Variants in KLF12 observed in about 807,000 individuals in gnomAD.
KLF12 encodes the protein Krueppel-like factor 12.
A neutral mutation model predicts 37.8 loss-of-function variants in KLF12; 9 were observed. The ratio of observed to expected loss-of-function variants is 0.24; its 90% CI spans 0.14 to 0.42. The LOEUF (loss-of-function observed/expected upper bound fraction) is 0.42, where lower values mean the gene tolerates loss of function less well. Ranked by LOEUF, KLF12 falls within the 10% of genes least tolerant of loss-of-function variation. KLF12 has a pLI of 1.00. For missense variants in KLF12, 411 were observed against 516.0 expected, an observed-to-expected ratio of 0.80 and a Z score of 1.97; for synonymous variants, 208 against 202.1, an observed-to-expected ratio of 1.03 and a Z score of -0.25.
At chr13:73,834,505 T>C (rs1413649154) in intron 4 of KLF12, among the ~76,000 whole-genome samples, 2 of 152,232 alleles carry the variant, frequency 1.3e-5, no homozygotes, top group Non-Finnish European at 2.9e-5. Context: ...ATTTTCATTT[T>C]ATCTTATTTT....
intron 1 of KLF12, among the ~76,000 whole-genome samples, chr13:74,109,993 T>A (rs888587120): frequency 2.6e-5 from 4 of 152,130 alleles, no homozygotes; most frequent in Non-Finnish European, 5.9e-5. Flanking sequence ...GGAAAAAGTA[T>A]AATATTGAAA....
rs115945333 is a variant in KLF12 at position 74,112,883 on chromosome 13, A to G, written c.-32+20856T>C. ...GACCGAAAGCCAGGCCTCTTGTGCC[A>G]AAGAGCCAAGTTGTGAATGCCAAGC... is the stretch of plus-strand genomic sequence containing the variant. On this transcript the variant is annotated intron_variant, in intron 1 of 7. Coordinates refer to ENST00000377669, the MANE Select transcript of KLF12 (RefSeq NM_007249.5). 5.8e-3 allele frequency among the ~76,000 whole-genome samples: 890 copies of G among 152,334 alleles called. 14 individuals are homozygous for G. Among genetic ancestry groups the G allele is most frequent in the African/African-American group, 0.021 (861 of 41,588 alleles).
chr13:74,201,394 C>T, the KLF12 span, among the ~76,000 whole-genome samples: 1 of 152,130 alleles, frequency 6.6e-6, no homozygotes, highest in Non-Finnish European at 1.5e-5. Context: ...TCTTCCCCTT[C>T]TTTCCCTTCC....
chr13:74,030,527 G>C (rs1003568615), intron 1 of KLF12, among the ~76,000 whole-genome samples: 1 of 151,980 alleles, frequency 6.6e-6, no homozygotes, highest in East Asian at 1.9e-4. Flanking sequence ...GAAGATGTCT[G>C]AACACCTCTA....
intron 1 of KLF12, among the ~76,000 whole-genome samples, chr13:74,115,836 T>C (rs1034868357): frequency 1.3e-5 from 2 of 152,216 alleles, no homozygotes; most frequent in Non-Finnish European, 2.9e-5. Context: ...TCTCCTCCTC[T>C]GACGCTTGTA....
chr13:73,768,835 AT>A (rs1268468907), intron 5 of KLF12, among the ~76,000 whole-genome samples: 2 of 152,192 alleles, frequency 1.3e-5, no homozygotes, highest in East Asian at 3.8e-4. Context: ...AAAAGTCAGG[AT>A]TTAAACACAG....
At chr13:73,866,306 A>G (rs1410011610) in intron 3 of KLF12, among the ~76,000 whole-genome samples, 1 of 152,162 alleles carries the variant, frequency 6.6e-6, no homozygotes, top group African/African-American at 2.4e-5. Context: ...GAAAGGTATT[A>G]CATGTGTGTA....
At chr13:73,726,946 C>T (rs1057366043) in intron 6 of KLF12, among the ~76,000 whole-genome samples, 1 of 152,192 alleles carries the variant, frequency 6.6e-6, no homozygotes, top group East Asian at 1.9e-4. Flanking sequence ...TCCTCACCAA[C>T]GCATAATGTC....
At position 74,049,915 on chromosome 13, in the gene KLF12, A is replaced by C. The variant is rs1320528418; in HGVS notation, c.-31-54862T>G. Among the ~76,000 whole-genome samples, 3 of 152,214 alleles carry C rather than the reference A, an allele frequency of 2.0e-5. No homozygotes were observed. In the East Asian group the frequency reaches 5.8e-4, roughly 29 times the overall value. Reference sequence around the variant, plus strand: ...ACATGTCCTAACACTGTTGCTTGCCATCTGAACTCAGTAAATGAATCAATT... The same window carrying C: ...ACATGTCCTAACACTGTTGCTTGCCCTCTGAACTCAGTAAATGAATCAATT... On this transcript the variant is annotated intron_variant, in intron 1 of 7. Coordinates refer to ENST00000377669, the MANE Select transcript of KLF12 (RefSeq NM_007249.5).
chr13:74,035,472 G>A (rs1233928081), intron 1 of KLF12, among the ~76,000 whole-genome samples: 1 of 152,138 alleles, frequency 6.6e-6, no homozygotes, highest in Non-Finnish European at 1.5e-5. Flanking sequence ...CCAAATAGGT[G>A]CTCGATAAAT....
At chr13:74,162,734 C>T in the KLF12 span, among the ~76,000 whole-genome samples, 1 of 152,180 alleles carries the variant, frequency 6.6e-6, no homozygotes, top group Non-Finnish European at 1.5e-5. Context: ...AATGCAGAGG[C>T]ATTGGTTAAA....
chr13:74,064,119 C>T (rs1220864681), intron 1 of KLF12, among the ~76,000 whole-genome samples: 1 of 152,110 alleles, frequency 6.6e-6, no homozygotes, highest in Admixed American at 6.5e-5. Context: ...TCCCAGCACC[C>T]CTCAGTTCCT....
the KLF12 span, among the ~76,000 whole-genome samples, chr13:74,188,722 G>A: frequency 1.3e-5 from 2 of 152,104 alleles, no homozygotes; most frequent in African/African-American, 4.8e-5. Context: ...TGGGCCAGGC[G>A]TGGTGGCTCA....
intron 1 of KLF12, among the ~76,000 whole-genome samples, chr13:74,093,810 T>C (rs540971115): frequency 1.3e-4 from 20 of 152,010 alleles, no homozygotes; most frequent in African/African-American, 4.1e-4. Flanking sequence ...AACAAAAATA[T>C]AAACTAATGT....
At chr13:74,086,835 C>T (rs1566205685) in intron 1 of KLF12, among the ~76,000 whole-genome samples, 1 of 152,078 alleles carries the variant, frequency 6.6e-6, no homozygotes, top group African/African-American at 2.4e-5. Context: ...GTCCTCTGTT[C>T]TTACATTAAA....
the KLF12 span, among the ~76,000 whole-genome samples, chr13:74,171,489 G>A: frequency 1.3e-5 from 2 of 152,114 alleles, no homozygotes; most frequent in Non-Finnish European, 2.9e-5. Context: ...AGGGAAAACC[G>A]CTTCCTCCCA....
chr13:73,846,712 C>T (rs931941515), intron 3 of KLF12, among the ~76,000 whole-genome samples: 2 of 152,224 alleles, frequency 1.3e-5, no homozygotes, highest in Admixed American at 6.5e-5. Context: ...TATCACAATA[C>T]GGAAACATAT....
At chr13:73,742,756 A>G (rs1878095456) in intron 6 of KLF12, among the ~76,000 whole-genome samples, 1 of 152,230 alleles carries the variant, frequency 6.6e-6, no homozygotes, top group Non-Finnish European at 1.5e-5. Flanking sequence ...TAGAGGTCAC[A>G]CAGTAGAAAT....
At chr13:74,258,889 T>A in the KLF12 span, 2 of 152,172 alleles carry the variant, frequency 1.3e-5, no homozygotes, top group East Asian at 1.9e-4. Flanking sequence ...AGTAGAGAAG[T>A]AATACAGAGA....
Sources: allele counts gnomAD v4.1 joint callset (sites outside exome capture counted in the v4.1 genomes callset), GRCh38; gene constraint gnomAD v4.1.1; transcripts MANE v1.5; gene names NCBI Gene and HGNC (gene_info 2026-07-23, HGNC 2026-07-21).